The following GRIK3 variants were observed in gnomAD, a reference collection of about 807,000 sequenced individuals.
GRIK3 encodes the protein glutamate receptor ionotropic, kainate 3.
A neutral mutation model predicts 102.5 loss-of-function variants in GRIK3; 29 were observed. The ratio of observed to expected loss-of-function variants is 0.28; its 90% CI spans 0.21 to 0.39. The LOEUF is 0.39. GRIK3 is among the 10% of genes least tolerant of loss of function. GRIK3 has a pLI of 1.00. For missense variants in GRIK3, 908 were observed against 1,252.4 expected, an observed-to-expected ratio of 0.73 and a Z score of 4.15; for synonymous variants, 511 against 504.9, an observed-to-expected ratio of 1.01 and a Z score of -0.16.
rs571472391 is a variant in GRIK3 at position 36,800,948 on chromosome 1, G to A, written c.*903C>T. 56 of 152,332 alleles carry A rather than the reference G, an allele frequency of 3.7e-4. No individual in the cohort carries two copies. The highest frequency in any genetic ancestry group is 1.3e-3 in the African/African-American group (55 of 41,576). 9.4% of individuals were successfully genotyped at this position (152,332 alleles called of 1,614,324 possible). On this transcript the variant is annotated 3_prime_UTR_variant, in exon 16 of 16. Transcript: ENST00000373091. ...AGACAACAGCTTGCTAACCAGGAAAGTGAGATCCATTGGCACAAGAGCCGG... is the reference window on the plus strand; with the variant it reads ...AGACAACAGCTTGCTAACCAGGAAAATGAGATCCATTGGCACAAGAGCCGG...
At chr1:36,971,735 T>C (rs1012069793) in intron 1 of GRIK3, among the ~76,000 whole-genome samples, 1 of 152,168 alleles carries the variant, frequency 6.6e-6, no homozygotes, top group African/African-American at 2.4e-5. Flanking sequence ...CAAAGACTTC[T>C]AGGTGGATAG....
At position 36,934,210 on chromosome 1, in the gene GRIK3, A is replaced by G. The variant is rs574352098; in HGVS notation, c.116-43114T>C. 3.5e-4 allele frequency among the ~76,000 whole-genome samples: 54 copies of G among 152,228 alleles called. No homozygotes were observed. In the South Asian group the frequency reaches 0.01, roughly 29 times the overall value. ...CTGGATTTTCTGGGTGAGAGTCTGT[A>G]TCCAGTCTGTACAGCTGACCCGATC... is the stretch of plus-strand genomic sequence containing the variant. On this transcript the variant is annotated intron_variant, in intron 1 of 15. Transcript: ENST00000373091.
intron 5 of GRIK3, among the ~76,000 whole-genome samples, chr1:36,866,520 G>A (rs1640786723): frequency 6.6e-6 from 1 of 152,222 alleles, no homozygotes; most frequent in African/African-American, 2.4e-5. Context: ...ATGGGATGGG[G>A]TATGTTGAGC....
chr1:36,993,723 C>A (rs929338437), intron 1 of GRIK3, among the ~76,000 whole-genome samples: 1 of 152,174 alleles, frequency 6.6e-6, no homozygotes, highest in Non-Finnish European at 1.5e-5. Flanking sequence ...TCAGCCAGCA[C>A]CTGCTTTTAG....
intron 1 of GRIK3, among the ~76,000 whole-genome samples, chr1:36,989,452 CAA>C (rs1457788409): frequency 2.0e-5 from 3 of 152,180 alleles, no homozygotes; most frequent in Non-Finnish European, 4.4e-5. Context: ...ACCTTGGAGA[CAA>C]GAGTTAGGAG....
At chr1:37,023,308 C>T (rs1284192310) in intron 1 of GRIK3, among the ~76,000 whole-genome samples, 1 of 140,260 alleles carries the variant, frequency 7.1e-6, no homozygotes, top group Non-Finnish European at 1.5e-5. Flanking sequence ...GCCTAAGCAA[C>T]AGAGTGAGAC....
intron 10 of GRIK3, among the ~76,000 whole-genome samples, chr1:36,838,963 G>A (rs1640415910): frequency 2.0e-5 from 3 of 152,278 alleles, no homozygotes; most frequent in South Asian, 4.1e-4. Flanking sequence ...CCAAAGCACC[G>A]CCTGGCTGCT....
chr1:36,831,882 G>A (rs575782746), intron 10 of GRIK3, among the ~76,000 whole-genome samples: 59 of 152,212 alleles, frequency 3.9e-4, no homozygotes, highest in African/African-American at 1.2e-3. Flanking sequence ...TTCCTCCCAG[G>A]CTTTCTGCAG....
chr1:36,805,171 A>G lies in GRIK3; in HGVS notation c.2381T>C (p.Ile794Thr). 6.2e-7 allele frequency: 1 copy of G among 1,614,080 alleles called. No individual in the cohort carries two copies. Residue 794 changes from isoleucine to threonine, a missense_variant, in exon 15 of 16, where the codon ATC (isoleucine) becomes ACC (threonine). Ile to Thr is a moderately conservative substitution (Grantham distance 89). This residue lies in a region of GRIK3 where 297 missense variants were observed against 362.7 expected (regional missense o/e 0.82). Transcript: ENST00000373091. The stretch of plus-strand genomic sequence containing the variant: ...GCCCCGCCACCACTTCTCCTTCATG[A>G]TATGCAGCTTGTCCTCCTCCTGAAG... ...LQLQEEDKLHIMKEKWWRGSG... is the reference protein window; with the variant it reads ...LQLQEEDKLHTMKEKWWRGSG...
At chr1:37,026,596 G>A (rs962080817) in intron 1 of GRIK3, among the ~76,000 whole-genome samples, 4 of 152,254 alleles carry the variant, frequency 2.6e-5, no homozygotes, top group Admixed American at 1.3e-4. Context: ...TCACAATAAC[G>A]CTATGCAGAC....
chr1:36,879,160 C>T (rs748444460), intron 3 of GRIK3, among the ~76,000 whole-genome samples: 1 of 151,938 alleles, frequency 6.6e-6, no homozygotes, highest in African/African-American at 2.4e-5. Context: ...TATGTTGTCC[C>T]GTTTGTGTTT....
At chr1:36,886,095 T>C (rs1218033925) in intron 2 of GRIK3, among the ~76,000 whole-genome samples, 3 of 152,110 alleles carry the variant, frequency 2.0e-5, no homozygotes, top group African/African-American at 7.3e-5. Context: ...GCGCTGCTGC[T>C]GCCTCTGGCG....
intron 11 of GRIK3, among the ~76,000 whole-genome samples, chr1:36,823,057 C>T (rs891944362): frequency 6.6e-6 from 1 of 152,170 alleles, no homozygotes; most frequent in Non-Finnish European, 1.5e-5. Context: ...TCCCAGGCCC[C>T]ATTTCTTGGA....
intron 1 of GRIK3, among the ~76,000 whole-genome samples, chr1:36,939,212 C>T (rs1365483944): frequency 2.0e-5 from 3 of 152,252 alleles, no homozygotes; most frequent in African/African-American, 7.2e-5. Context: ...CATGTGCCCC[C>T]AGAGGGAGCG....
At chr1:36,856,898 C>T (rs1640658926) in intron 7 of GRIK3, among the ~76,000 whole-genome samples, 1 of 152,022 alleles carries the variant, frequency 6.6e-6, no homozygotes, top group Admixed American at 6.6e-5. Flanking sequence ...TAGTGGAACC[C>T]CATTAGCAAA....
chr1:37,023,945 G>A (rs1642740829), intron 1 of GRIK3, among the ~76,000 whole-genome samples: 1 of 152,214 alleles, frequency 6.6e-6, no homozygotes, highest in Non-Finnish European at 1.5e-5. Context: ...AACTTACTGG[G>A]AGATAAATGA....
intron 5 of GRIK3, among the ~76,000 whole-genome samples, chr1:36,861,068 T>C (rs1400564405): frequency 6.6e-6 from 1 of 152,162 alleles, no homozygotes; most frequent in Non-Finnish European, 1.5e-5. Flanking sequence ...TTAATCCATT[T>C]TCTATCCAAC....
At chr1:36,856,070 G>A (rs1032237781) in intron 7 of GRIK3, among the ~76,000 whole-genome samples, 9 of 152,174 alleles carry the variant, frequency 5.9e-5, no homozygotes, top group Non-Finnish European at 1.2e-4. Flanking sequence ...CGAGGGGTCG[G>A]GAACAGAGAT....
intron 1 of GRIK3, among the ~76,000 whole-genome samples, chr1:36,969,825 C>A (rs1232294323): frequency 6.6e-6 from 1 of 152,230 alleles, no homozygotes; most frequent in African/African-American, 2.4e-5. Flanking sequence ...CCAGAAATCA[C>A]AGAGCTTTCC....
Sources: gnomAD v4.1 joint callset for allele counts (sites outside exome capture counted in the v4.1 genomes callset) on GRCh38, gnomAD v4.1.1 for gene constraint, gnomAD v4.1.1 regional missense constraint, MANE v1.5 for transcripts, NCBI Gene and HGNC (gene_info 2026-07-23, HGNC 2026-07-21) for gene names.